Variants in VPS33A observed in about 807,000 individuals in gnomAD.
The protein encoded by VPS33A is vacuolar protein sorting-associated protein 33A.
A neutral mutation model predicts 71.8 loss-of-function variants in VPS33A; 32 were observed. That is an observed-to-expected ratio of 0.45 (90% CI 0.34 to 0.60). The LOEUF is 0.60. Among genes scored for constraint, VPS33A ranks in the 20% least tolerant of loss-of-function variants. VPS33A has a pLI of 0.02. For synonymous variants in VPS33A, 311 were observed against 292.7 expected, an observed-to-expected ratio of 1.06 and a Z score of -0.64; for missense variants, 625 against 748.5, an observed-to-expected ratio of 0.84 and a Z score of 1.92.
chr12:122,256,040 C>T (rs560409092), intron 4 of VPS33A, among the ~76,000 whole-genome samples: 2 of 152,214 alleles, frequency 1.3e-5, no homozygotes, highest in South Asian at 4.1e-4. Context: ...AAGTGATCCT[C>T]CCACCTTGGT....
chr12:122,264,447 G>C lies in VPS33A; in HGVS notation c.103-248C>G, dbSNP rs1226075971. ...GCTGTGTTGCCCAGGCTAGCGTGCA[G>C]TGGTGTGATATCAGCGTACTGCAAC... is the stretch of plus-strand genomic sequence containing the variant. On this transcript the variant is annotated intron_variant, in intron 1 of 12. Coordinates refer to ENST00000267199, the MANE Select transcript of VPS33A (RefSeq NM_022916.6). Among the ~76,000 whole-genome samples the C allele has an allele frequency of 2.0e-5, 3 of 152,160 alleles. No homozygotes were observed. The East Asian group carries it at 5.8e-4, about 29-fold the overall frequency.
At chr12:122,253,829 C>G (rs1004063966) in intron 4 of VPS33A, among the ~76,000 whole-genome samples, 3 of 151,914 alleles carry the variant, frequency 2.0e-5, no homozygotes, top group Non-Finnish European at 4.4e-5. Context: ...TCCTGAGTAG[C>G]TGGGATCATA....
Position 122,265,042 on chromosome 12 carries a change from C to A in VPS33A, c.103-843G>T, listed in dbSNP as rs147551698. Among the ~76,000 whole-genome samples the A allele has an allele frequency of 4.6e-5, 7 of 151,080 alleles. No individual in the cohort carries two copies. In the East Asian group the frequency reaches 1.4e-3, roughly 29 times the overall value. ...GGCTCAGGTGATCTTCCCATCTCAGCCTCTGGAGTAACTGGGACTACAGGT... is the reference window on the plus strand; with the variant it reads ...GGCTCAGGTGATCTTCCCATCTCAGACTCTGGAGTAACTGGGACTACAGGT... On this transcript the variant is annotated intron_variant, in intron 1 of 12. Coordinates refer to ENST00000267199, the MANE Select transcript of VPS33A (RefSeq NM_022916.6).
chr12:122,235,989 G>C, intron 10 of VPS33A, 66 bp from the exon 11 acceptor site: 1 of 1,542,942 alleles, frequency 6.5e-7, no homozygotes, highest in African/African-American at 1.4e-5. Flanking sequence ...TTTCAAAGAA[G>C]GGCACTTCCA....
chr12:122,266,398 T>A lies in VPS33A; in HGVS notation c.11A>T (p.His4Leu), dbSNP rs1330459465. 1 of 1,611,348 alleles carries A rather than the reference T, an allele frequency of 6.2e-7. No individual in the cohort carries two copies. Among genetic ancestry groups the A allele is most frequent in the Admixed American group, 1.7e-5 (1 of 59,952 alleles). The change falls in exon 1 of 13, where the codon CAT (histidine) becomes CTT (leucine). Residue 4 changes from histidine (H) to leucine (L), a missense_variant. Transcript: ENST00000267199. ...TAGGTTCACTCGGCCGTAGGACAGA[T>A]GAGCCGCCATCTTGCTCCACCACCC... The part of the protein sequence containing the change: MAA[H>L]LSYGRVNLNV...
At chr12:122,242,205 G>T (rs754091113) in intron 8 of VPS33A, among the ~76,000 whole-genome samples, 177 bp downstream of exon 8, 1 of 152,090 alleles carries the variant, frequency 6.6e-6, no homozygotes, top group Non-Finnish European at 1.5e-5. Context: ...ACCATGCCCC[G>T]CCTGGAATAT....
At position 122,266,364 on chromosome 12, in the gene VPS33A, C is replaced by A. The variant is rs1197645992; in HGVS notation, c.45G>T (p.Leu15Phe). 3 of 1,613,696 alleles carry A rather than the reference C, an allele frequency of 1.9e-6. No homozygotes were observed. The highest frequency in any genetic ancestry group is 1.7e-5 in the Admixed American group (1 of 60,034). The change falls in exon 1 of 13, where the codon TTG (leucine) becomes TTT (phenylalanine). Residue 15 changes from leucine (L) to phenylalanine (F), a missense_variant. Coordinates refer to ENST00000267199, the MANE Select transcript of VPS33A (RefSeq NM_022916.6). ...GCAGCTCGCGACGCACCGCCTCGCGCAACACGTTTAGGTTCACTCGGCCGT... is the reference window on the plus strand; with the variant it reads ...GCAGCTCGCGACGCACCGCCTCGCGAAACACGTTTAGGTTCACTCGGCCGT... Reference protein sequence around the residue: ...LSYGRVNLNVLREAVRRELRE... With the variant: ...LSYGRVNLNVFREAVRRELRE...
At position 122,232,420 on chromosome 12, in the gene VPS33A, C is replaced by T. The variant is rs765167095; in HGVS notation, c.1617G>A (p.Pro539=). The T allele has an allele frequency of 1.5e-5, 24 of 1,610,178 alleles. No homozygotes were observed. The highest frequency in any genetic ancestry group is 7.8e-5 in the South Asian group (7 of 90,072). The part of the protein sequence containing the change: ...LPTGLQKKRQ[P]GENRVTLIFF... The stretch of plus-strand genomic sequence containing the variant: ...ATATCAGAGTCACTCGGTTTTCTCC[C>T]GGTTGACCTAAAATTTAAACATTTC... Residue 539 remains proline, a synonymous_variant, in exon 13 of 13, where the codon CCG becomes CCA. Transcript: ENST00000267199.
chr12:122,261,378 T>C lies in VPS33A; in HGVS notation c.366A>G (p.Glu122=), dbSNP rs201412271. Residue 122 remains glutamate (E), a synonymous_variant, in exon 4 of 13, where the codon GAA becomes GAG. Transcript: ENST00000267199. ...LFVPRRSLLC[E]QRLKDLGVLG... The stretch of plus-strand genomic sequence containing the variant: ...AGACACCCAGATCCTTCAACCGCTG[T>C]TCGCACAACAGGCTACGGCGTGGCA... 46 of 1,614,072 alleles carry C rather than the reference T, an allele frequency of 2.8e-5. No homozygotes were observed. The East Asian group carries it at 9.8e-4, about 34-fold the overall frequency.
chr12:122,232,846 G>A lies in VPS33A; in HGVS notation c.1563C>T (p.Pro521=), dbSNP rs1471835706. ...GCAGTGGCTGCCGCTCCTCAAAGTG[G>A]GGCCCTGGGAGGATGCGGAGGACCT... The part of the protein sequence containing the change: ...IEEVLRILPG[P]HFEERQPLPT... Residue 521 remains proline (P), a synonymous_variant, in exon 12 of 13, where the codon CCC becomes CCT. Transcript: ENST00000267199. 2 of 1,613,968 alleles carry A rather than the reference G, an allele frequency of 1.2e-6. No individual in the cohort carries two copies. Among genetic ancestry groups the A allele is most frequent in the South Asian group, 1.1e-5 (1 of 91,074 alleles).
At position 122,232,854 on chromosome 12, in the gene VPS33A, G is replaced by A; in HGVS notation, c.1555C>T (p.Pro519Ser). The stretch of plus-strand genomic sequence containing the variant: ...TGCCGCTCCTCAAAGTGGGGCCCTG[G>A]GAGGATGCGGAGGACCTCCTCGATG... ...RSIEEVLRIL[P>S]GPHFEERQPL... is the part of the protein sequence containing the mutation. The change falls in exon 12 of 13, where the codon CCA (proline) becomes TCA (serine). Residue 519 changes from proline to serine, a missense_variant. By Grantham distance (74) the Pro-to-Ser change is moderately conservative. Transcript: ENST00000267199. 6.2e-7 allele frequency: 1 copy of A among 1,614,166 alleles called. No homozygotes were observed. The highest frequency in any genetic ancestry group is 8.5e-7 in the Non-Finnish European group (1 of 1,180,026).
intron 4 of VPS33A, among the ~76,000 whole-genome samples, chr12:122,254,703 G>A (rs562565619): frequency 6.6e-6 from 1 of 152,124 alleles, no homozygotes; most frequent in South Asian, 2.1e-4. Flanking sequence ...ACCATGTCCG[G>A]CCAAAACAGC....
At chr12:122,254,427 G>A (rs1954888236) in intron 4 of VPS33A, among the ~76,000 whole-genome samples, 2 of 114,606 alleles carry the variant, frequency 1.7e-5, no homozygotes, top group African/African-American at 7.0e-5. Context: ...TTTTGAGATA[G>A]GCTCTCGCTC....
chr12:122,245,258 T>A (rs1954762416), intron 6 of VPS33A, among the ~76,000 whole-genome samples: 1 of 152,126 alleles, frequency 6.6e-6, no homozygotes, highest in South Asian at 2.1e-4. Context: ...GTGGCTTCGT[T>A]TTATTTTTTT....
intron 8 of VPS33A, among the ~76,000 whole-genome samples, chr12:122,241,348 C>T (rs1295808051): frequency 6.6e-6 from 1 of 152,068 alleles, no homozygotes; most frequent in Non-Finnish European, 1.5e-5. Flanking sequence ...CTCTGTCGCC[C>T]AGGCCGGAGT....
rs1281883594 is a variant in VPS33A at position 122,229,807 on chromosome 12, A to G, written c.*2439T>C. On this transcript the variant is annotated 3_prime_UTR_variant, in exon 13 of 13. Coordinates refer to ENST00000267199, the MANE Select transcript of VPS33A (RefSeq NM_022916.6). ...TTTCTATTTGCATACAAATGAAGCA[A>G]TTGAAGTTTTTCAGTCTTCTGCTGA... is the stretch of plus-strand genomic sequence containing the variant. 1 of 152,250 alleles carries G rather than the reference A, an allele frequency of 6.6e-6. No individual in the cohort carries two copies. Among genetic ancestry groups the G allele is most frequent in the Non-Finnish European group, 1.5e-5 (1 of 68,048 alleles). The allele number at this position is 152,250 out of a possible 1,614,324, so 9.4% of individuals were successfully genotyped here. A position where few individuals can be genotyped will look rare whatever the true frequency, so the allele number is the denominator to read the frequency against.
chr12:122,236,666 A>G (rs543951590), intron 10 of VPS33A, among the ~76,000 whole-genome samples: 3 of 152,340 alleles, frequency 2.0e-5, no homozygotes, highest in African/African-American at 4.8e-5. Context: ...AGTAGCCAAC[A>G]CTTATAAAAT....
At chr12:122,257,430 A>T (rs1359818638) in intron 4 of VPS33A, among the ~76,000 whole-genome samples, 4 of 131,508 alleles carry the variant, frequency 3.0e-5, no homozygotes, top group African/African-American at 5.1e-5. Context: ...CTGCCTCAAA[A>T]AAAAAAAAAA....
intron 11 of VPS33A, 111 bp downstream of exon 11, chr12:122,235,675 G>A (rs1954620611): frequency 2.9e-6 from 4 of 1,394,766 alleles, no homozygotes; most frequent in Non-Finnish European, 3.9e-6. Context: ...AAAAACATTA[G>A]AAAATTGTTT....
Sources: allele counts gnomAD v4.1 joint callset (sites outside exome capture counted in the v4.1 genomes callset), GRCh38; gene constraint gnomAD v4.1.1; transcripts MANE v1.5; gene names NCBI Gene and HGNC (gene_info 2026-07-23, HGNC 2026-07-21).